Variants in IGLL5 observed in about 807,000 individuals in gnomAD.
The protein encoded by IGLL5 is immunoglobulin lambda like polypeptide 5.
Under a neutral mutation model 20.9 loss-of-function variants are expected in IGLL5, and 30 were observed. The ratio of observed to expected loss-of-function variants is 1.44; its 90% CI spans 1.07 to 1.95. IGLL5 has a LOEUF of 1.95. IGLL5 is among the 30% of genes most tolerant of loss of function. The pLI is 0.00. For synonymous variants in IGLL5, 203 were observed against 117.3 expected (o/e 1.73, Z -4.72); for missense variants, 475 against 270.7 (o/e 1.75, Z -5.30).
At chr22:22,895,120 A>C (rs2066725092) in intron 2 of IGLL5, among the ~76,000 whole-genome samples, 1 of 151,236 alleles carries the variant, frequency 6.6e-6, no homozygotes, top group Admixed American at 6.6e-5. Context: ...TATATGGAGA[A>C]ATTGAGGCTG....
chr22:22,894,509 A>G (rs1397989428), intron 2 of IGLL5, among the ~76,000 whole-genome samples: 2 of 151,438 alleles, frequency 1.3e-5, no homozygotes, highest in South Asian at 2.1e-4. Flanking sequence ...CTGTCCCTGG[A>G]GCCCCGTCAC....
chr22:22,895,096 C>T (rs2146050832), intron 2 of IGLL5, among the ~76,000 whole-genome samples: 1 of 151,462 alleles, frequency 6.6e-6, no homozygotes, highest in African/African-American at 2.4e-5. Flanking sequence ...AGAAGGAACA[C>T]AGCCTGCCCT....
In IGLL5 at chr22:22,895,899, G is replaced by A. The variant is rs2066757422; in HGVS notation, c.*205G>A. The A allele has an allele frequency of 3.2e-6, 2 of 629,868 alleles. No homozygotes were observed. Among genetic ancestry groups the A allele is most frequent in the East Asian group, 2.8e-5 (1 of 36,234 alleles). The allele number at this position is 629,868 out of a possible 1,614,324, so 39.0% of individuals were successfully genotyped here. ...GCCTCCCCGGGGTTCTCAGTGTGGGGTACAGGGAATTCTGCACCCAGTGTG... is the reference window on the plus strand; with the variant it reads ...GCCTCCCCGGGGTTCTCAGTGTGGGATACAGGGAATTCTGCACCCAGTGTG... On this transcript the variant is annotated 3_prime_UTR_variant, in exon 3 of 3. Transcript: ENST00000526893.
In IGLL5 at chr22:22,888,209, T is replaced by C. The variant is rs576960332; in HGVS notation, c.156T>C (p.Pro52=). ...MVAPQSGDPD[P]GASVGSSRSS... ...CACCGCAAAGCGGGGACCCAGACCC[T>C]GGAGCCTCAGTTGGAAGCAGCCGAT... Residue 52 remains proline, a synonymous_variant, in exon 1 of 3, where the codon CCT becomes CCC. Coordinates refer to ENST00000526893, the MANE Select transcript of IGLL5 (RefSeq NM_001178126.2). The C allele has an allele frequency of 4.5e-6, 7 of 1,548,446 alleles. 1 individual carries two copies. Among genetic ancestry groups the C allele is most frequent in the Middle Eastern group, 1.8e-4 (1 of 5,530 alleles).
intron 2 of IGLL5, among the ~76,000 whole-genome samples, chr22:22,895,080 C>T (rs943774832): frequency 6.6e-6 from 1 of 151,264 alleles, no homozygotes; most frequent in African/African-American, 2.4e-5. Context: ...CTCCAGAGAT[C>T]AGAGAAGAAG....
chr22:22,894,146 T>A (rs749266611), intron 2 of IGLL5, among the ~76,000 whole-genome samples: 5 of 151,372 alleles, frequency 3.3e-5, no homozygotes, highest in Middle Eastern at 3.8e-3. Flanking sequence ...CTTAGGGACA[T>A]TGCCCAGTGA....
Position 22,895,404 on chromosome 22 carries a change from C to G in IGLL5, c.355C>G (p.Leu119Val), listed in dbSNP as rs2146053848. 6.2e-7 allele frequency: 1 copy of G among 1,612,974 alleles called. No individual in the cohort carries two copies. Among genetic ancestry groups the G allele is most frequent in the Non-Finnish European group, 8.5e-7 (1 of 1,179,552 alleles). Residue 119 changes from leucine (L) to valine (V), a missense_variant, in exon 3 of 3, where the codon CTG becomes GTG. Transcript: ENST00000526893. ...GCCCAAGGCCAACCCCACTGTCACT[C>G]TGTTCCCGCCCTCCTCTGAGGAGCT... is the stretch of plus-strand genomic sequence containing the variant. ...GQPKANPTVT[L>V]FPPSSEELQA...
chr22:22,890,670 G>C (rs2067814490), intron 1 of IGLL5, among the ~76,000 whole-genome samples: 1 of 149,960 alleles, frequency 6.7e-6, no homozygotes, highest in Non-Finnish European at 1.5e-5. Flanking sequence ...GGATCAGAGA[G>C]AATGTACTTT....
chr22:22,891,547 T>TTC (rs1292958670), intron 1 of IGLL5, among the ~76,000 whole-genome samples: 1 of 151,132 alleles, frequency 6.6e-6, no homozygotes, highest in African/African-American at 2.4e-5. Flanking sequence ...GCAGAATTGG[T>TTC]TCTCTAATTT....
chr22:22,891,579 T>C (rs1427634585), intron 1 of IGLL5, among the ~76,000 whole-genome samples: 2 of 151,294 alleles, frequency 1.3e-5, no homozygotes, highest in Non-Finnish European at 2.9e-5. Context: ...TCTTGTGTTA[T>C]GTGGTAATAT....
At chr22:22,888,932 C>G (rs192296098) in intron 1 of IGLL5, among the ~76,000 whole-genome samples, 4 of 151,194 alleles carry the variant, frequency 2.6e-5, no homozygotes, top group African/African-American at 4.8e-5. Flanking sequence ...GTGATGGGTG[C>G]CCCCAAAAGA....
At chr22:22,893,927 TGAC>T in intron 2 of IGLL5, 109 bp downstream of exon 2, 1 of 813,606 alleles carries the variant, frequency 1.2e-6, no homozygotes, top group Non-Finnish European at 2.1e-6. Context: ...CCTTAAGCAC[TGAC>T]CCTTACCTTT....
chr22:22,893,654 G>A, intron 1 of IGLL5, 46 bp from the exon 2 acceptor site: 1 of 1,278,990 alleles, frequency 7.8e-7, no homozygotes, highest in Non-Finnish European at 1.1e-6. Context: ...TCATGTCTAG[G>A]TCCCAGCCCC....
chr22:22,888,615 C>A (rs758741228), intron 1 of IGLL5, among the ~76,000 whole-genome samples: 3 of 151,292 alleles, frequency 2.0e-5, no homozygotes, highest in East Asian at 2.0e-4. Flanking sequence ...CCACAGGGTG[C>A]CCAGGCCTGT....
chr22:22,889,174 A>C (rs1601606757), intron 1 of IGLL5, among the ~76,000 whole-genome samples: 2 of 151,080 alleles, frequency 1.3e-5, no homozygotes, highest in South Asian at 2.1e-4. Context: ...AGAGGGGGTG[A>C]TGGCCAAGTC....
Position 22,896,051 on chromosome 22 carries a change from G to T in IGLL5, c.*357G>T. On this transcript the variant is annotated 3_prime_UTR_variant, in exon 3 of 3. Coordinates refer to ENST00000526893, the MANE Select transcript of IGLL5 (RefSeq NM_001178126.2). ...GAGCTACCAGTCTGGCATCAGTTCA[G>T]ACCAGTCCCACACCCTCCTAAATTT... The T allele has an allele frequency of 2.2e-6, 1 of 456,920 alleles. No individual in the cohort carries two copies. The highest frequency in any genetic ancestry group is 4.5e-5 in the East Asian group (1 of 22,370). 28.3% of individuals were successfully genotyped at this position (456,920 alleles called of 1,614,324 possible). A position where few individuals can be genotyped will look rare whatever the true frequency, so the allele number is the denominator to read the frequency against.
chr22:22,889,604 T>A (rs2067737860), intron 1 of IGLL5, among the ~76,000 whole-genome samples: 1 of 151,324 alleles, frequency 6.6e-6, no homozygotes, highest in Admixed American at 6.6e-5. Context: ...GTTGTTTTTG[T>A]TTTGAAACAG....
rs779353676 is a variant in IGLL5 at position 22,888,225 on chromosome 22, A to C, written c.172A>C (p.Ser58Arg). The C allele has an allele frequency of 2.6e-6, 4 of 1,548,148 alleles. 1 individual carries two copies. The highest frequency in any genetic ancestry group is 4.9e-5 in the East Asian group (2 of 40,588). ...CCCAGACCCTGGAGCCTCAGTTGGA[A>C]GCAGCCGATCCAGCCTGCGGAGCCT... ...GDPDPGASVG[S>R]SRSSLRSLWG... The change falls in exon 1 of 3, where the codon AGC becomes CGC. Residue 58 changes from serine to arginine, a missense_variant. Ser to Arg is a moderately radical substitution (Grantham distance 110). Coordinates refer to ENST00000526893, the MANE Select transcript of IGLL5 (RefSeq NM_001178126.2).
At chr22:22,888,735 T>G (rs554052079) in intron 1 of IGLL5, among the ~76,000 whole-genome samples, 2 of 151,330 alleles carry the variant, frequency 1.3e-5, no homozygotes, top group Admixed American at 6.6e-5. Context: ...GGCTGTCTGT[T>G]CACCAACTTG....
Sources: allele counts gnomAD v4.1 joint callset (sites outside exome capture counted in the v4.1 genomes callset), GRCh38; gene constraint gnomAD v4.1.1; transcripts MANE v1.5; gene names NCBI Gene and HGNC (gene_info 2026-07-23, HGNC 2026-07-21).